NAALADL2: variants seen among roughly 807,000 people sequenced by gnomAD.
NAALADL2 encodes N-acetylated alpha-linked acidic dipeptidase like 2.
In NAALADL2, 76 loss-of-function variants were observed where a neutral mutation model predicts 87.2. The observed-to-expected ratio is 0.87, with a 90% CI of 0.72 to 1.05. NAALADL2 has a LOEUF of 1.05. Among genes scored for constraint, NAALADL2 ranks in the 50% least tolerant of loss-of-function variants. The pLI is 0.00. For missense variants in NAALADL2, 1,089 were observed against 945.8 expected, an observed-to-expected ratio of 1.15 and a Z score of -1.99; for synonymous variants, 354 against 331.0, an observed-to-expected ratio of 1.07 and a Z score of -0.75.
chr3:175,647,786 G>A (rs1173813436), intron 11 of NAALADL2, among the ~76,000 whole-genome samples: 1 of 152,160 alleles, frequency 6.6e-6, no homozygotes, highest in East Asian at 1.9e-4. Flanking sequence ...ACTTAGATTA[G>A]TGTCCACAGA....
chr3:175,468,905 A>G (rs555073659), intron 8 of NAALADL2, among the ~76,000 whole-genome samples: 28 of 152,120 alleles, frequency 1.8e-4, no homozygotes, highest in African/African-American at 6.3e-4. Context: ...ATTCATTCTT[A>G]AGTTTTTGTG....
chr3:175,112,881 T>C (rs1478232145), intron 2 of NAALADL2, among the ~76,000 whole-genome samples: 1 of 151,562 alleles, frequency 6.6e-6, no homozygotes, highest in Admixed American at 6.6e-5. Flanking sequence ...TGTTACACTT[T>C]CCAGAAAAGA....
At chr3:175,411,101 T>C (rs554094374) in intron 5 of NAALADL2, among the ~76,000 whole-genome samples, 1 of 152,040 alleles carries the variant, frequency 6.6e-6, no homozygotes, top group East Asian at 1.9e-4. Context: ...GATTATAGTC[T>C]TAGAATAGAG....
At chr3:175,121,579 C>T (rs1461265) in intron 2 of NAALADL2, among the ~76,000 whole-genome samples, 94,525 of 151,562 alleles carry the variant, frequency 0.62, 30,404 homozygotes, top group African/African-American at 0.8. Context: ...GTTGCTCTTA[C>T]GGGAAAAGTC....
intron 1 of NAALADL2, among the ~76,000 whole-genome samples, chr3:175,013,955 G>C (rs1192298897): frequency 6.6e-6 from 1 of 152,096 alleles, no homozygotes; most frequent in African/African-American, 2.4e-5. Flanking sequence ...TGCATGCATT[G>C]CATCAGTCAT....
chr3:175,210,072 A>C (rs542294698), intron 2 of NAALADL2, among the ~76,000 whole-genome samples: 2 of 151,958 alleles, frequency 1.3e-5, no homozygotes, highest in South Asian at 4.1e-4. Flanking sequence ...TAACAGAAAT[A>C]TGATGGATAT....
chr3:175,742,552 C>T lies in NAALADL2; in HGVS notation c.1990+5153C>T, dbSNP rs1265668374. 6.6e-5 allele frequency among the ~76,000 whole-genome samples: 10 copies of T among 151,958 alleles called. No homozygotes were observed. In the South Asian group the frequency reaches 8.3e-4, roughly 13 times the overall value. On this transcript the variant is annotated intron_variant, in intron 12 of 13. Transcript: ENST00000454872. ...AGCTGGGACTACAGGCGCCCACCAC[C>T]ACACCCGGCTAATTTTTTGTATTTT...
chr3:174,659,598 A>C (rs1055300373), intron 2 of NAALADL2, among the ~76,000 whole-genome samples: 2 of 152,136 alleles, frequency 1.3e-5, no homozygotes, highest in Admixed American at 6.6e-5. Flanking sequence ...TGTAAGGTCA[A>C]TCTTAATGAA....
At chr3:174,834,452 T>C (rs923896205) in intron 3 of NAALADL2, among the ~76,000 whole-genome samples, 3 of 151,708 alleles carry the variant, frequency 2.0e-5, no homozygotes, top group African/African-American at 4.8e-5. Context: ...CATTCTAGCA[T>C]TGTAATAAAG....
intron 4 of NAALADL2, among the ~76,000 whole-genome samples, chr3:175,277,024 A>G (rs187172665): frequency 1.5e-3 from 224 of 152,270 alleles, no homozygotes; most frequent in African/African-American, 4.9e-3. Context: ...AATAAAACTT[A>G]CAATATGCTC....
intron 13 of NAALADL2, among the ~76,000 whole-genome samples, chr3:175,789,666 A>G (rs1752539088): frequency 6.6e-6 from 1 of 152,120 alleles, no homozygotes; most frequent in Admixed American, 6.5e-5. Context: ...ATTCTTCTCT[A>G]TTTAGGGCCA....
At chr3:174,994,465 G>T (rs111785098) in intron 1 of NAALADL2, among the ~76,000 whole-genome samples, 6 of 152,208 alleles carry the variant, frequency 3.9e-5, no homozygotes, top group South Asian at 2.1e-4. Flanking sequence ...TTTTTAGTCA[G>T]CAGTAATGAT....
At chr3:175,256,326 G>A (rs745492521) in intron 3 of NAALADL2, 85 bp from the exon 4 acceptor site, 24 of 1,241,152 alleles carry the variant, frequency 1.9e-5, no homozygotes, top group Admixed American at 1.4e-4. Context: ...AAATTATGAT[G>A]AATAATTTTG....
At chr3:175,508,744 A>C (rs36076289) in intron 9 of NAALADL2, among the ~76,000 whole-genome samples, 15,797 of 152,146 alleles carry the variant, frequency 0.1, 930 homozygotes, top group South Asian at 0.14. Flanking sequence ...ACATTATTGA[A>C]ATAATATTTT....
intron 13 of NAALADL2, among the ~76,000 whole-genome samples, chr3:175,793,360 G>A (rs1434769697): frequency 6.8e-6 from 1 of 147,354 alleles, no homozygotes; most frequent in Non-Finnish European, 1.5e-5. Flanking sequence ...CTGGGCTGGA[G>A]TGTAGTGGGC....
chr3:174,603,901 T>G (rs9824866), intron 2 of NAALADL2, among the ~76,000 whole-genome samples: 2,529 of 152,246 alleles, frequency 0.017, 83 homozygotes, highest in African/African-American at 0.057. Context: ...CATTTCTACT[T>G]TTATTCCATT....
chr3:175,463,406 A>G lies in NAALADL2; in HGVS notation c.1240A>G (p.Arg414Gly). ...SSLELPNNEI[R>G]VVSMQVQTVT... ...TTAAATTTTTATTTTTTCAGAAATA[A>G]GAGTCGTCAGCATGCAAGTTCAGAC... is the stretch of plus-strand genomic sequence containing the variant. The change falls in exon 7 of 14, where the codon AGA (arginine) becomes GGA (glycine). Residue 414 changes from arginine (R) to glycine (G), a missense_variant. Arg to Gly is a moderately radical substitution (Grantham distance 125). Coordinates refer to ENST00000454872, the MANE Select transcript of NAALADL2 (RefSeq NM_207015.3). 1 of 1,570,930 alleles carries G rather than the reference A, an allele frequency of 6.4e-7. No individual in the cohort carries two copies. Among genetic ancestry groups the G allele is most frequent in the South Asian group, 1.2e-5 (1 of 82,398 alleles).
intron 3 of NAALADL2, among the ~76,000 whole-genome samples, chr3:174,831,276 C>A (rs1032598014): frequency 6.7e-6 from 1 of 149,902 alleles, no homozygotes; most frequent in Non-Finnish European, 1.5e-5. Context: ...TTTTGAAATA[C>A]GTCCCATCAA....
At chr3:175,426,263 C>T (rs1341893738) in intron 5 of NAALADL2, among the ~76,000 whole-genome samples, 3 of 151,916 alleles carry the variant, frequency 2.0e-5, no homozygotes, top group Admixed American at 6.6e-5. Flanking sequence ...CTTGGGAGGC[C>T]GAGGCAGGAG....
Sources: gnomAD v4.1 joint callset for allele counts (sites outside exome capture counted in the v4.1 genomes callset) on GRCh38, gnomAD v4.1.1 for gene constraint, MANE v1.5 for transcripts, NCBI Gene and HGNC (gene_info 2026-07-23, HGNC 2026-07-21) for gene names.